The following TNNI3K variants were observed in gnomAD, a reference collection of about 807,000 sequenced individuals.
TNNI3K encodes the protein TNNI3 interacting kinase, also known as serine/threonine-protein kinase TNNI3K.
TNNI3K carries 140 observed loss-of-function variants against 114.5 expected under a neutral mutation model. That is an observed-to-expected ratio of 1.22 (90% CI 1.07 to 1.41). The LOEUF is 1.41. Among genes scored for constraint, TNNI3K ranks in the 40% most tolerant of loss-of-function variants. TNNI3K has a pLI of 0.00. For missense variants in TNNI3K, 1,125 were observed against 1,007.6 expected, an observed-to-expected ratio of 1.12 and a Z score of -1.58; for synonymous variants, 347 against 347.5, an observed-to-expected ratio of 1.00 and a Z score of 0.02.
At chr1:74,474,494 A>T (rs983619931) in intron 21 of TNNI3K, among the ~76,000 whole-genome samples, 1 of 152,148 alleles carries the variant, frequency 6.6e-6, no homozygotes, top group African/African-American at 2.4e-5. Context: ...CCCCTGTGGT[A>T]AGAATTTCTT....
At chr1:74,267,576 CT>C (rs1268573626) in intron 4 of TNNI3K, among the ~76,000 whole-genome samples, 2 of 151,856 alleles carry the variant, frequency 1.3e-5, no homozygotes, top group East Asian at 1.9e-4. Flanking sequence ...AATTGTGAAG[CT>C]TAAATGAGAG....
At position 74,440,025 on chromosome 1, in the gene TNNI3K, T is replaced by G. The variant is rs45526446; in HGVS notation, c.2011+403T>G. On this transcript the variant is annotated intron_variant, in intron 20 of 24. Coordinates refer to ENST00000326637, the MANE Select transcript of TNNI3K (RefSeq NM_015978.3). ...AAGTAGTAACACAGAAATAACCTGT[T>G]AAGGCTGCTCTCTGCTTATCTCACA... Among the ~76,000 whole-genome samples the G allele has an allele frequency of 8.6e-3, 1,312 of 152,168 alleles. 22 individuals are homozygous for G. Among genetic ancestry groups the G allele is most frequent in the African/African-American group, 0.03 (1,234 of 41,538 alleles).
chr1:74,475,813 A>T, intron 21 of TNNI3K: 1 of 599,358 alleles, frequency 1.7e-6, no homozygotes, highest in Non-Finnish European at 3.0e-6. Context: ...AACAGCTCCT[A>T]TGACAAATAG....
chr1:74,446,638 T>C (rs1666699831), intron 20 of TNNI3K, among the ~76,000 whole-genome samples: 1 of 150,574 alleles, frequency 6.6e-6, no homozygotes, highest in Non-Finnish European at 1.5e-5. Context: ...TGAATGGTAA[T>C]GCCAAGGTTT....
At chr1:74,313,230 T>C (rs755283385) in intron 5 of TNNI3K, among the ~76,000 whole-genome samples, 11 of 152,174 alleles carry the variant, frequency 7.2e-5, no homozygotes, top group Non-Finnish European at 1.2e-4. Context: ...GTCCCTCCTC[T>C]TTGCTCCATA....
intron 4 of TNNI3K, among the ~76,000 whole-genome samples, chr1:74,269,135 G>T (rs1341571): frequency 0.57 from 86,441 of 151,770 alleles, 27,982 homozygotes; most frequent in East Asian, 0.82. Flanking sequence ...TATCTCAAAA[G>T]TCACCTCTGC....
intron 23 of TNNI3K, among the ~76,000 whole-genome samples, chr1:74,532,836 T>C (rs1032005698): frequency 1.3e-4 from 20 of 152,258 alleles, no homozygotes; most frequent in Non-Finnish European, 2.2e-4. Context: ...ATTTAATAAA[T>C]GGTGCTGGGA....
rs201581931 is a variant in TNNI3K at position 74,439,497 on chromosome 1, G to A, written c.1886G>A (p.Arg629His). The stretch of plus-strand genomic sequence containing the variant: ...ATGTTTCTTGATGTGCAGAACCTCC[G>A]TTGGATGGCTCCTGAGGTGTTCACG... ...DNMTKQPGNL[R>H]WMAPEVFTQC... Residue 629 changes from arginine (R) to histidine (H), a missense_variant, in exon 20 of 25, where the codon CGT (arginine) becomes CAT (histidine). Physicochemically the swap from Arg to His is conservative, Grantham distance 29. Coordinates refer to ENST00000326637, the MANE Select transcript of TNNI3K (RefSeq NM_015978.3). 36 of 1,612,256 alleles carry A rather than the reference G, an allele frequency of 2.2e-5. No homozygotes were observed. The Admixed American group carries it at 3.2e-4, about 14-fold the overall frequency.
At chr1:74,400,879 T>A (rs1292255876) in intron 17 of TNNI3K, among the ~76,000 whole-genome samples, 3 of 152,188 alleles carry the variant, frequency 2.0e-5, no homozygotes, top group Non-Finnish European at 2.9e-5. Flanking sequence ...TGTGCCTTAG[T>A]TCAATTGGCC....
intron 5 of TNNI3K, among the ~76,000 whole-genome samples, chr1:74,294,045 C>A (rs1049356464): frequency 6.6e-6 from 1 of 151,574 alleles, no homozygotes; most frequent in Non-Finnish European, 1.5e-5. Flanking sequence ...TGCACTTTTT[C>A]TGACATGTCA....
At chr1:74,463,894 T>C (rs577538310) in intron 21 of TNNI3K, among the ~76,000 whole-genome samples, 33 of 152,302 alleles carry the variant, frequency 2.2e-4, no homozygotes, top group African/African-American at 7.7e-4. Flanking sequence ...CAAGATGGAT[T>C]TGTGTTGGCT....
At chr1:74,506,109 A>G (rs777399572) in intron 23 of TNNI3K, among the ~76,000 whole-genome samples, 5 of 152,184 alleles carry the variant, frequency 3.3e-5, no homozygotes, top group Non-Finnish European at 7.3e-5. Flanking sequence ...TGATGTAGAT[A>G]ATATTGCCAT....
intron 5 of TNNI3K, among the ~76,000 whole-genome samples, chr1:74,325,604 G>A (rs1017020483): frequency 1.3e-5 from 2 of 152,162 alleles, no homozygotes; most frequent in African/African-American, 4.8e-5. Flanking sequence ...GCAATTAGGG[G>A]GCCTTTGATG....
At chr1:74,237,642 C>A (rs890274113) in intron 2 of TNNI3K, among the ~76,000 whole-genome samples, 2 of 151,984 alleles carry the variant, frequency 1.3e-5, no homozygotes, top group Non-Finnish European at 2.9e-5. Context: ...TCGACAACTA[C>A]AAGCTGTTTT....
chr1:74,461,440 A>G (rs1487418294), intron 20 of TNNI3K, among the ~76,000 whole-genome samples: 3 of 150,452 alleles, frequency 2.0e-5, no homozygotes, highest in Non-Finnish European at 4.4e-5. Flanking sequence ...AGATCATGCC[A>G]CTGCACTCCA....
At chr1:74,367,386 G>T in intron 12 of TNNI3K, 44 bp downstream of exon 12, 2 of 1,598,132 alleles carry the variant, frequency 1.3e-6, no homozygotes, top group Non-Finnish European at 1.7e-6. Flanking sequence ...ATAATATATT[G>T]TGCCTAAAGG....
intron 17 of TNNI3K, among the ~76,000 whole-genome samples, chr1:74,386,982 G>C (rs984466088): frequency 6.6e-6 from 1 of 152,138 alleles, no homozygotes; most frequent in Non-Finnish European, 1.5e-5. Flanking sequence ...GAATTTCAGA[G>C]AGCCATTTGT....
In TNNI3K at chr1:74,540,608, A is replaced by ATTT. The variant is rs1255633384; in HGVS notation, c.2431+295_2431+296insTTT. 5.5e-3 allele frequency among the ~76,000 whole-genome samples: 106 copies of ATTT among 19,188 alleles called. 1 individual carries two copies. The highest frequency in any genetic ancestry group is 0.02 in the Admixed American group (34 of 1,662). The allele number at this position is 19,188 out of a possible 152,430, so 12.6% of individuals were successfully genotyped here. ...AGAAAAAAGTACAACTCTTTTTTTA[A>ATTT]AAAAAAAAAAAAACTCCTTCCTCTC... On this transcript the variant is annotated intron_variant, in intron 24 of 24. Transcript: ENST00000326637.
chr1:74,262,764 C>T (rs952939403), intron 4 of TNNI3K, among the ~76,000 whole-genome samples: 4 of 151,998 alleles, frequency 2.6e-5, no homozygotes, highest in African/African-American at 9.7e-5. Context: ...AACACATTCT[C>T]AATAAAAAGT....
Sources: allele counts gnomAD v4.1 joint callset (sites outside exome capture counted in the v4.1 genomes callset), GRCh38; gene constraint gnomAD v4.1.1; transcripts MANE v1.5; gene names NCBI Gene and HGNC (gene_info 2026-07-23, HGNC 2026-07-21).